Variants in C3 observed in about 807,000 individuals in gnomAD.
The protein encoded by C3 is C3 and PZP-like alpha-2-macroglobulin domain-containing protein 1.
C3 carries 97 observed loss-of-function variants against 207.9 expected under a neutral mutation model. The ratio of observed to expected loss-of-function variants is 0.47; its 90% CI spans 0.40 to 0.55. C3 has a LOEUF of 0.55. Among genes scored for constraint, C3 ranks in the 20% least tolerant of loss-of-function variants. The pLI, the probability that C3 is intolerant of heterozygous loss-of-function variation, is 0.00. For synonymous variants in C3, 848 were observed against 857.6 expected, an observed-to-expected ratio of 0.99 and a Z score of 0.20; for missense variants, 1,684 against 2,171.7, an observed-to-expected ratio of 0.78 and a Z score of 4.46.
intron 4 of C3, chr19:6,716,342 C>T (rs1250801525): frequency 6.6e-6 from 1 of 152,276 alleles, no homozygotes; most frequent in East Asian, 1.9e-4. Flanking sequence ...CCTCAGCCTC[C>T]TGGGGTAGCT....
At chr19:6,706,681 CCCG>C (rs1967780598) in intron 17 of C3, among the ~76,000 whole-genome samples, 1 of 143,746 alleles carries the variant, frequency 7.0e-6, no homozygotes, top group African/African-American at 2.6e-5. Context: ...GACTCCTCCC[CCCG>C]AGACAGAGGC....
intron 19 of C3, 71 bp from the exon 20 acceptor site, chr19:6,697,865 G>A: frequency 1.3e-6 from 2 of 1,495,428 alleles, no homozygotes; most frequent in Non-Finnish European, 1.8e-6. Context: ...CTGGGTCTCA[G>A]CTCTTAGTCC....
chr19:6,708,488 T>C (rs1967832561), intron 14 of C3, among the ~76,000 whole-genome samples: 1 of 151,484 alleles, frequency 6.6e-6, no homozygotes, highest in African/African-American at 2.4e-5. Context: ...TTTCCCTTCC[T>C]TCCTCTCCCT....
chr19:6,708,545 TTCCTTCCC>T lies in C3; in HGVS notation c.1846-624_1846-617del, dbSNP rs199667410. 4.1e-3 allele frequency among the ~76,000 whole-genome samples: 603 copies of T among 146,558 alleles called. 7 individuals carry two copies. The highest frequency in any genetic ancestry group is 0.014 in the African/African-American group (547 of 39,740). On this transcript the variant is annotated intron_variant, in intron 14 of 40. Transcript: ENST00000245907. ...CTTTCCTCCTTCCTTTGCTCCCCCTTTCCTTCCCTCCTTCCCTCCTTCCTTCCTTCCTT... is the reference window on the plus strand; with the variant it reads ...CTTTCCTCCTTCCTTTGCTCCCCCTTTCCTTCCCTCCTTCCTTCCTTCCTT...
In C3 at chr19:6,713,975, C is replaced by A. The variant is rs567847552; in HGVS notation, c.773+17G>T. 18 of 1,582,506 alleles carry A rather than the reference C, an allele frequency of 1.1e-5. No homozygotes were observed. In the South Asian group the frequency reaches 1.7e-4, roughly 15 times the overall value. ...CCCTCACCTGGCTCTTACCTGGCCCCACCCCCAGTCCCTCACCTGGCGGTG... is the reference window on the plus strand; with the variant it reads ...CCCTCACCTGGCTCTTACCTGGCCCAACCCCCAGTCCCTCACCTGGCGGTG... On this transcript the variant is annotated intron_variant, in intron 7 of 40. Transcript: ENST00000245907.
intron 24 of C3, 102 bp downstream of exon 24, chr19:6,694,329 A>C: frequency 1.0e-6 from 1 of 1,002,752 alleles, no homozygotes; most frequent in South Asian, 1.4e-5. Flanking sequence ...GAGAAGGTGG[A>C]GCCTCAGGGG....
At position 6,712,586 on chromosome 19, in the gene C3, G is replaced by A. The variant is rs373653536; in HGVS notation, c.1041C>T (p.Pro347=). The change falls in exon 10 of 41, where the codon CCC becomes CCT. Residue 347 remains proline (P), a synonymous_variant. Transcript: ENST00000245907. The part of the protein sequence containing the change: ...DMVQAERSGI[P]IVTSPYQIHF... ...GGATCTGGTAGGGAGAGGTCACGATGGGGATCCCGCTGCGCTCTGCCTGCA... is the reference window on the plus strand; with the variant it reads ...GGATCTGGTAGGGAGAGGTCACGATAGGGATCCCGCTGCGCTCTGCCTGCA... 47 of 1,614,024 alleles carry A rather than the reference G, an allele frequency of 2.9e-5. No individual in the cohort carries two copies. In the South Asian group the frequency reaches 4.6e-4, roughly 16 times the overall value.
chr19:6,684,192 G>A (rs1435055724), intron 33 of C3, 196 bp downstream of exon 33: 7 of 678,354 alleles, frequency 1.0e-5, no homozygotes, highest in South Asian at 9.4e-5. Flanking sequence ...CTCAGCTTAC[G>A]TGGTCATTGC....
intron 19 of C3, among the ~76,000 whole-genome samples, chr19:6,701,055 C>T (rs1958420353): frequency 6.6e-6 from 1 of 151,810 alleles, no homozygotes; most frequent in Admixed American, 6.6e-5. Context: ...GAAAAGAAGT[C>T]CCAGACAGGC....
chr19:6,709,686 T>G lies in C3; in HGVS notation c.1843A>C (p.Lys615Gln), dbSNP rs756240331. ...LNKKNKLTQS[K>Q]IWDVVEKADI... ...AGCCTTGGGTCACTGGCCCTTACCTTACTCTGCGTCAGTTTGTTCTTCTTA... is the reference window on the plus strand; with the variant it reads ...AGCCTTGGGTCACTGGCCCTTACCTGACTCTGCGTCAGTTTGTTCTTCTTA... The change falls in exon 14 of 41, where the codon AAG (lysine) becomes CAG (glutamine). Residue 615 changes from lysine to glutamine, a missense_variant and splice_region_variant. Lys to Gln is a moderately conservative substitution (Grantham distance 53). Around this residue, in one of 3 missense-constraint regions of C3, gnomAD observed 1,280 missense variants for 1,739.1 expected, o/e 0.74. Transcript: ENST00000245907. 6.2e-7 allele frequency: 1 copy of G among 1,611,162 alleles called. No individual in the cohort carries two copies. The highest frequency in any genetic ancestry group is 2.2e-5 in the East Asian group (1 of 44,686).
At chr19:6,685,418 G>A (rs989480485) in intron 29 of C3, among the ~76,000 whole-genome samples, 3 of 152,122 alleles carry the variant, frequency 2.0e-5, no homozygotes, top group Admixed American at 1.3e-4. Flanking sequence ...AATGTCTAGC[G>A]ACCCTGAGGA....
intron 24 of C3, 79 bp from the exon 25 acceptor site, chr19:6,693,566 G>T: frequency 1.6e-6 from 2 of 1,284,958 alleles, no homozygotes; most frequent in Non-Finnish European, 2.2e-6. Context: ...GGGGCGGGGT[G>T]CAGAGAGGGG....
intron 14 of C3, 62 bp from the exon 15 acceptor site, chr19:6,707,991 C>T (rs1199224594): frequency 3.0e-5 from 48 of 1,598,478 alleles, no homozygotes; most frequent in Admixed American, 3.3e-5. Context: ...GGATCCCCCA[C>T]ATATGCACCT....
chr19:6,678,124 C>G, intron 40 of C3, 28 bp downstream of exon 40: 2 of 1,614,014 alleles, frequency 1.2e-6, no homozygotes, highest in South Asian at 1.1e-5. Context: ...GTCGGGCGGT[C>G]GCGCGCACGC....
Position 6,696,401 on chromosome 19 carries a change from A to T in C3, c.2928T>A (p.Ser976=). ...CACCTTGCAGGAGAATTCTGGTCTC[A>T]GACTCGGTGTCCGGGACTTGGTCAC... ...DLSDQVPDTE[S]ETRILLQGTP... The change falls in exon 23 of 41, where the codon TCT becomes TCA. Residue 976 remains serine (S), a synonymous_variant. Transcript: ENST00000245907. 1.9e-6 allele frequency: 3 copies of T among 1,613,006 alleles called. No individual in the cohort carries two copies. Among genetic ancestry groups the T allele is most frequent in the Non-Finnish European group, 2.5e-6 (3 of 1,179,414 alleles).
chr19:6,696,583 G>T lies in C3; in HGVS notation c.2863+10C>A, dbSNP rs1396452503. 6.2e-7 allele frequency: 1 copy of T among 1,613,628 alleles called. No individual in the cohort carries two copies. The highest frequency in any genetic ancestry group is 8.5e-7 in the Non-Finnish European group (1 of 1,179,646). ...CAGCCCCTCAGCCCCTCCCCCTGCA[G>T]CCGACTCACCACGGCCCAGGCGTTC... On this transcript the variant is annotated intron_variant, in intron 22 of 40. Transcript: ENST00000245907.
Position 6,680,071 on chromosome 19 carries a change from C to T in C3, c.4456+87G>A, listed in dbSNP as rs538753264. 9.2e-5 allele frequency: 75 copies of T among 812,506 alleles called. No individual in the cohort carries two copies. In the African/African-American group the frequency reaches 9.5e-4, roughly 10 times the overall value. 50.3% of individuals were successfully genotyped at this position (812,506 alleles called of 1,614,324 possible). A position where few individuals can be genotyped will look rare whatever the true frequency, so the allele number is the denominator to read the frequency against. ...CAAATCCCTGGACTCCTTAGACCTT[C>T]ATTCTCAGATCCCCACAATTCATAT... On this transcript the variant is annotated intron_variant, in intron 36 of 40. Coordinates refer to ENST00000245907, the MANE Select transcript of C3 (RefSeq NM_000064.4).
Position 6,677,747 on chromosome 19 carries a change from G to T in C3, c.*135C>A. ...CCAGGAGAAAATGCGGTGGGAACAG[G>T]TGAGGTTTCAAGTAGGATGGAGCTG... On this transcript the variant is annotated 3_prime_UTR_variant, in exon 41 of 41. Coordinates refer to ENST00000245907, the MANE Select transcript of C3 (RefSeq NM_000064.4). 1 of 1,107,164 alleles carries T rather than the reference G, an allele frequency of 9.0e-7. No individual in the cohort carries two copies. The highest frequency in any genetic ancestry group is 1.3e-6 in the Non-Finnish European group (1 of 760,678). 68.6% of individuals were successfully genotyped at this position (1,107,164 alleles called of 1,614,324 possible).
chr19:6,681,104 C>T (rs568921430), intron 35 of C3, among the ~76,000 whole-genome samples: 45 of 152,108 alleles, frequency 3.0e-4, no homozygotes, highest in African/African-American at 1.1e-3. Context: ...AAAAATTCAG[C>T]TGGGGCCAGG....
Sources: gnomAD v4.1 joint callset for allele counts (sites outside exome capture counted in the v4.1 genomes callset) on GRCh38, gnomAD v4.1.1 for gene constraint, gnomAD v4.1.1 regional missense constraint, MANE v1.5 for transcripts, NCBI Gene and HGNC (gene_info 2026-07-23, HGNC 2026-07-21) for gene names.